The following PNKD variants were observed in gnomAD, a reference collection of about 807,000 sequenced individuals.
PNKD encodes the protein PNKD metallo-beta-lactamase domain containing, also known as probable thioesterase PNKD.
In PNKD, 36 loss-of-function variants were observed where a neutral mutation model predicts 45.3. The ratio of observed to expected loss-of-function variants is 0.80; its 90% CI spans 0.61 to 1.05. The LOEUF is 1.05. Ranked by LOEUF, PNKD falls within the 50% of genes least tolerant of loss-of-function variation. The probability of loss-of-function intolerance (pLI) is 0.00; values close to 1 mark genes in which losing one functional copy is unlikely to be tolerated. For missense variants in PNKD, 511 were observed against 506.6 expected (o/e 1.01, Z -0.08); for synonymous variants, 197 against 210.1 (o/e 0.94, Z 0.54).
At chr2:218,271,593 G>T (rs1290455101) in intron 2 of PNKD, 44 bp downstream of exon 2, 24 of 1,558,648 alleles carry the variant, frequency 1.5e-5, no homozygotes, top group Non-Finnish European at 2.1e-5. Flanking sequence ...GGCGTGGCTT[G>T]TAGGGGAGGG....
At chr2:218,324,935 CAAAAAACAA>C (rs1159682243) in intron 2 of PNKD, among the ~76,000 whole-genome samples, 2 of 102,292 alleles carry the variant, frequency 2.0e-5, no homozygotes, top group African/African-American at 1.0e-4. Context: ...GACTCCGTCT[CAAAAAACAA>C]AAAAAAGAAA....
rs547552039 is a variant in PNKD, at chr2:218,323,408, C to A, written c.237-16375C>A. On this transcript the variant is annotated intron_variant, in intron 2 of 9. Transcript: ENST00000273077. ...TCCGCGGTCTGCTCATGGCGCACAGCCAGCGGCTGCTCTTCCGAATCGGGT... is the reference window on the plus strand; with the variant it reads ...TCCGCGGTCTGCTCATGGCGCACAGACAGCGGCTGCTCTTCCGAATCGGGT... 102 of 1,573,270 alleles carry A rather than the reference C, an allele frequency of 6.5e-5. 1 individual carries two copies. The East Asian group carries it at 2.2e-3, about 34-fold the overall frequency.
intron 2 of PNKD, chr2:218,287,249 T>G (rs181866332): frequency 2.0e-4 from 31 of 152,426 alleles, no homozygotes; most frequent in African/African-American, 6.7e-4. Flanking sequence ...CCAAGAAAGT[T>G]CCTGCTCCAC....
At chr2:218,328,849 C>T (rs903308877) in intron 2 of PNKD, among the ~76,000 whole-genome samples, 3 of 152,308 alleles carry the variant, frequency 2.0e-5, no homozygotes, top group South Asian at 4.1e-4. Context: ...GCTTCCCGTG[C>T]GCATTCTTGC....
intron 2 of PNKD, chr2:218,275,609 C>G: frequency 1.2e-6 from 2 of 1,611,968 alleles, no homozygotes; most frequent in Non-Finnish European, 1.7e-6. Context: ...AGCTGTGTGT[C>G]GTAAGCCAGG....
chr2:218,283,038 C>A (rs1189520619), intron 2 of PNKD, among the ~76,000 whole-genome samples: 1 of 152,166 alleles, frequency 6.6e-6, no homozygotes, highest in African/African-American at 2.4e-5. Flanking sequence ...TTCTGAATCC[C>A]AGGCTCTCTG....
chr2:218,333,352 G>A (rs1037695887), intron 2 of PNKD, among the ~76,000 whole-genome samples: 10 of 152,190 alleles, frequency 6.6e-5, no homozygotes, highest in African/African-American at 1.9e-4. Context: ...CTTTCTTAGG[G>A]ACAGAACCTG....
intron 2 of PNKD, among the ~76,000 whole-genome samples, chr2:218,332,324 G>A (rs1349649566): frequency 1.3e-5 from 2 of 152,128 alleles, no homozygotes; most frequent in African/African-American, 4.8e-5. Flanking sequence ...CATATGCCAG[G>A]GAGAGGGCTA....
intron 2 of PNKD, chr2:218,278,094 G>T: frequency 8.3e-7 from 1 of 1,201,786 alleles, no homozygotes; most frequent in Non-Finnish European, 1.2e-6. Flanking sequence ...ACTCCAAGGA[G>T]GGAGGTTGGC....
At chr2:218,303,153 G>A (rs1693315667) in intron 2 of PNKD, among the ~76,000 whole-genome samples, 1 of 152,062 alleles carries the variant, frequency 6.6e-6, no homozygotes, top group Admixed American at 6.6e-5. Context: ...TGTTGGCCAG[G>A]ATGGTCTTGA....
intron 2 of PNKD, chr2:218,284,309 C>A (rs1210203757): frequency 6.6e-6 from 1 of 152,346 alleles, no homozygotes; most frequent in African/African-American, 2.4e-5. Context: ...AAGCCCACTG[C>A]CCCCTCTAAC....
intron 6 of PNKD, 161 bp from the exon 7 acceptor site, chr2:218,341,820 G>C: frequency 1.3e-6 from 1 of 770,408 alleles, no homozygotes; most frequent in Non-Finnish European, 2.3e-6. Context: ...AAAGAGGAAA[G>C]GGGGAGGGTT....
intron 2 of PNKD, among the ~76,000 whole-genome samples, chr2:218,325,198 C>CTTTTTTTTTT (rs746439948): frequency 2.5e-5 from 1 of 39,758 alleles, no homozygotes; most frequent in Non-Finnish European, 4.0e-5. Context: ...CGCACCCGGC[C>CTTTTTTTTTT]TTTTTTTTTT....
chr2:218,279,569 C>A (rs986563821), intron 2 of PNKD: 14 of 527,966 alleles, frequency 2.7e-5, no homozygotes, highest in East Asian at 1.6e-4. Context: ...CTGTCCAACA[C>A]CAGCCTCGGT....
intron 2 of PNKD, among the ~76,000 whole-genome samples, chr2:218,334,082 TCCTG>T (rs1694412384): frequency 6.6e-6 from 1 of 151,068 alleles, no homozygotes; most frequent in Admixed American, 6.7e-5. Context: ...GCCACTGCAC[TCCTG>T]CCCGGATGAC....
At chr2:218,292,979 C>T (rs919909397) in intron 2 of PNKD, among the ~76,000 whole-genome samples, 1 of 152,182 alleles carries the variant, frequency 6.6e-6, no homozygotes, top group African/African-American at 2.4e-5. Context: ...CATGGCTATG[C>T]GGATTAAATT....
chr2:218,301,203 A>C (rs1693258535), intron 2 of PNKD, among the ~76,000 whole-genome samples: 1 of 152,200 alleles, frequency 6.6e-6, no homozygotes, highest in South Asian at 2.1e-4. Flanking sequence ...AGTTGCACTA[A>C]CCACATTTTA....
At chr2:218,324,927 C>T (rs1694099932) in intron 2 of PNKD, among the ~76,000 whole-genome samples, 3 of 147,036 alleles carry the variant, frequency 2.0e-5, no homozygotes, top group Admixed American at 6.7e-5. Flanking sequence ...CAGAGTGAGA[C>T]TCCGTCTCAA....
rs546037398 is a variant in PNKD, at chr2:218,344,582, G to A, written c.984+12G>A. 100 of 1,586,422 alleles carry A rather than the reference G, an allele frequency of 6.3e-5. No individual in the cohort carries two copies. Among genetic ancestry groups the A allele is most frequent in the Middle Eastern group, 1.7e-4 (1 of 5,944 alleles). On this transcript the variant is annotated intron_variant, in intron 9 of 9. Transcript: ENST00000273077. Reference sequence around the variant, plus strand: ...AGCGCAAGGGCACGGTGAGGGACTCGGGGTCCAGGAGGAGCTGTGTGGGCA... The same window carrying A: ...AGCGCAAGGGCACGGTGAGGGACTCAGGGTCCAGGAGGAGCTGTGTGGGCA...
Sources: gnomAD v4.1 joint callset for allele counts (sites outside exome capture counted in the v4.1 genomes callset) on GRCh38, gnomAD v4.1.1 for gene constraint, MANE v1.5 for transcripts, NCBI Gene and HGNC (gene_info 2026-07-23, HGNC 2026-07-21) for gene names.